Variants in SPOP observed in about 807,000 individuals in gnomAD.
SPOP encodes the protein speckle-type POZ protein.
In SPOP, 11 loss-of-function variants were observed where a neutral mutation model predicts 45.6. That is an observed-to-expected ratio of 0.24 (90% CI 0.15 to 0.40). SPOP has a LOEUF of 0.40. SPOP is among the 10% of genes least tolerant of loss of function. The probability of loss-of-function intolerance (pLI) is 1.00; values close to 1 mark genes in which losing one functional copy is unlikely to be tolerated. For synonymous variants in SPOP, 166 were observed against 166.3 expected (o/e 1.00, Z 0.01); for missense variants, 152 against 465.6 (o/e 0.33, Z 6.20).
chr17:49,602,111 G>A lies in SPOP; in HGVS notation c.838-104C>T. ...GTACCATCATATTAACTAGATACTT[G>A]AATAGAACTGCACAGACCATGAAAA... On this transcript the variant is annotated intron_variant, in intron 8 of 9. Coordinates refer to ENST00000504102, the MANE Select transcript of SPOP (RefSeq NM_001007228.2). 4 of 1,313,282 alleles carry A rather than the reference G, an allele frequency of 3.0e-6. No homozygotes were observed. The East Asian group carries it at 9.4e-5, about 31-fold the overall frequency. 81.4% of individuals were successfully genotyped at this position (1,313,282 alleles called of 1,614,324 possible). A position where few individuals can be genotyped will look rare whatever the true frequency, so the allele number is the denominator to read the frequency against.
chr17:49,675,279 G>A (rs937035259), intron 1 of SPOP, among the ~76,000 whole-genome samples: 1 of 152,206 alleles, frequency 6.6e-6, no homozygotes, highest in East Asian at 1.9e-4. Context: ...GGAATTATCT[G>A]CCATCTTTCA....
chr17:49,627,138 C>T (rs1206342183), intron 1 of SPOP, among the ~76,000 whole-genome samples: 2 of 152,192 alleles, frequency 1.3e-5, no homozygotes, highest in East Asian at 1.9e-4. Flanking sequence ...CATGAGCCAC[C>T]ACGCCCGGCC....
At chr17:49,636,590 A>T (rs1351025477) in intron 1 of SPOP, among the ~76,000 whole-genome samples, 1 of 152,248 alleles carries the variant, frequency 6.6e-6, no homozygotes, top group African/African-American at 2.4e-5. Flanking sequence ...CGCTTACCTT[A>T]TATGACTTTA....
chr17:49,662,936 G>A (rs2073008135), intron 1 of SPOP, among the ~76,000 whole-genome samples: 1 of 152,138 alleles, frequency 6.6e-6, no homozygotes, highest in Non-Finnish European at 1.5e-5. Flanking sequence ...GTAGATTCCT[G>A]GAGGTCCCTT....
intron 8 of SPOP, among the ~76,000 whole-genome samples, chr17:49,605,860 C>T (rs139305527): frequency 0.02 from 2,879 of 145,058 alleles, 41 homozygotes; most frequent in Non-Finnish European, 0.033. Context: ...TGGTGGCGGG[C>T]GCCTGTAATC....
chr17:49,622,648 C>T, intron 2 of SPOP, 85 bp downstream of exon 2: 1 of 1,158,696 alleles, frequency 8.6e-7, no homozygotes, highest in South Asian at 1.2e-5. Flanking sequence ...AAGCAAGAAG[C>T]CCAATGTAGA....
intron 1 of SPOP, among the ~76,000 whole-genome samples, chr17:49,653,759 C>T (rs1482828062): frequency 1.3e-5 from 2 of 149,588 alleles, no homozygotes; most frequent in Admixed American, 6.7e-5. Context: ...GAGATTTAGA[C>T]CAAAAAAAGA....
In SPOP at chr17:49,607,284, T is replaced by C. The variant is rs373610541; in HGVS notation, c.803A>G (p.Lys268Arg). The change falls in exon 8 of 10, where the codon AAA becomes AGA. Residue 268 changes from lysine (K) to arginine (R), a missense_variant. Physicochemically the swap from Lys to Arg is conservative, Grantham distance 26. Transcript: ENST00000504102. The stretch of plus-strand genomic sequence containing the variant: ...AGCTGCCAGCAAATCATCAGCCATT[T>C]TGTCGAGGTTTGGAGCCTTCCCCGT... ...IYTGKAPNLD[K>R]MADDLLAAAD... The C allele has an allele frequency of 4.8e-5, 77 of 1,614,048 alleles. No individual in the cohort carries two copies. The highest frequency in any genetic ancestry group is 6.1e-5 in the Non-Finnish European group (72 of 1,180,018).
chr17:49,637,414 G>A (rs569756072), intron 1 of SPOP, among the ~76,000 whole-genome samples: 17 of 152,052 alleles, frequency 1.1e-4, no homozygotes, highest in South Asian at 1.0e-3. Flanking sequence ...GCAGTGGAGC[G>A]ATCTCAGCCC....
chr17:49,652,452 C>A (rs185421934), intron 1 of SPOP, among the ~76,000 whole-genome samples: 2 of 152,280 alleles, frequency 1.3e-5, no homozygotes. Flanking sequence ...TTACCAATGT[C>A]TTTGTGTGGT....
intron 8 of SPOP, among the ~76,000 whole-genome samples, chr17:49,606,019 TAGGC>T (rs2071836902): frequency 6.6e-6 from 1 of 151,480 alleles, no homozygotes; most frequent in Non-Finnish European, 1.5e-5. Context: ...AACAAATAAA[TAGGC>T]AGTATTTCCC....
At chr17:49,622,413 T>C in intron 2 of SPOP, 1 of 518,038 alleles carries the variant, frequency 1.9e-6, no homozygotes, top group Non-Finnish European at 3.5e-6. Flanking sequence ...AATGTTGATG[T>C]CACTGCCTGG....
chr17:49,623,991 C>T (rs2072271770), intron 1 of SPOP, among the ~76,000 whole-genome samples: 1 of 152,170 alleles, frequency 6.6e-6, no homozygotes, highest in Non-Finnish European at 1.5e-5. Flanking sequence ...ACTCTCACCT[C>T]TCTCATAAGC....
chr17:49,633,068 T>G (rs2072481927), intron 1 of SPOP, among the ~76,000 whole-genome samples: 1 of 152,252 alleles, frequency 6.6e-6, no homozygotes, highest in South Asian at 2.1e-4. Flanking sequence ...AACTGTTGTA[T>G]ATAAGGAAAA....
At chr17:49,627,690 C>T (rs1032808801) in intron 1 of SPOP, among the ~76,000 whole-genome samples, 1 of 152,154 alleles carries the variant, frequency 6.6e-6, no homozygotes, top group Non-Finnish European at 1.5e-5. Flanking sequence ...TATTTTAATG[C>T]CTTAATTGTT....
chr17:49,634,651 C>T (rs2072511718), intron 1 of SPOP, among the ~76,000 whole-genome samples: 1 of 152,140 alleles, frequency 6.6e-6, no homozygotes, highest in Admixed American at 6.6e-5. Context: ...TTTCATGAAA[C>T]AAATAGAGCT....
At chr17:49,601,004 C>T (rs560976187) in intron 9 of SPOP, 6 of 159,644 alleles carry the variant, frequency 3.8e-5, no homozygotes, top group African/African-American at 1.2e-4. Flanking sequence ...AAGCAAGTGT[C>T]CAGCACACAG....
chr17:49,666,291 GAA>G (rs768876099), intron 1 of SPOP, among the ~76,000 whole-genome samples: 96 of 146,762 alleles, frequency 6.5e-4, no homozygotes, highest in Admixed American at 8.2e-4. Context: ...TTATCTTTAT[GAA>G]AAAAAAAAGT....
rs1323552367 is a variant in SPOP, at chr17:49,599,514, TTTTG to T, written c.*860_*863del. On this transcript the variant is annotated 3_prime_UTR_variant, in exon 10 of 10. Transcript: ENST00000504102. ...CTGTTTTTGTTTTGTGTGTTTTTTT[TTTTG>T]TTTGTTTTTTAGAAAAAGGGGTGGG... is the stretch of plus-strand genomic sequence containing the variant. The T allele has an allele frequency of 1.4e-5, 3 of 212,032 alleles. No individual in the cohort carries two copies. Among genetic ancestry groups the T allele is most frequent in the Admixed American group, 1.2e-4 (2 of 16,668 alleles). 13.1% of individuals were successfully genotyped at this position (212,032 alleles called of 1,614,324 possible).
Sources: gnomAD v4.1 joint callset for allele counts (sites outside exome capture counted in the v4.1 genomes callset) on GRCh38, gnomAD v4.1.1 for gene constraint, MANE v1.5 for transcripts, NCBI Gene and HGNC (gene_info 2026-07-23, HGNC 2026-07-21) for gene names.